Variants in DAB1 observed in about 807,000 individuals in gnomAD.
DAB1 encodes DAB adaptor protein 1, also known as disabled homolog 1.
DAB1 carries 15 observed loss-of-function variants against 64.6 expected under a neutral mutation model. The ratio of observed to expected loss-of-function variants is 0.23; its 90% CI spans 0.16 to 0.36. The LOEUF is 0.36. DAB1 is among the 10% of genes least tolerant of loss of function. The pLI, the probability that DAB1 is intolerant of heterozygous loss-of-function variation, is 1.00. For missense variants in DAB1, 596 were observed against 706.7 expected, an observed-to-expected ratio of 0.84 and a Z score of 1.78; for synonymous variants, 235 against 251.9, an observed-to-expected ratio of 0.93 and a Z score of 0.64.
chr1:57,936,692 A>ATT (rs201146724), intron 5 of DAB1, among the ~76,000 whole-genome samples: 1 of 150,648 alleles, frequency 6.6e-6, no homozygotes, highest in Admixed American at 6.6e-5. Flanking sequence ...ATTTTTATTT[A>ATT]TTTATTTTTT....
chr1:57,427,248 A>G (rs537704592), upstream of DAB1, among the ~76,000 whole-genome samples: 1 of 152,314 alleles, frequency 6.6e-6, no homozygotes, highest in South Asian at 2.1e-4. Context: ...AAAATAGTTC[A>G]TTTAAATTTG....
chr1:58,246,031 G>C (rs529291112), intron 4 of DAB1, among the ~76,000 whole-genome samples: 29 of 152,012 alleles, frequency 1.9e-4, no homozygotes, highest in Non-Finnish European at 3.7e-4. Flanking sequence ...AAACACAGAA[G>C]GTATTTAGGT....
chr1:57,796,557 A>C (rs60307854), intron 6 of DAB1, among the ~76,000 whole-genome samples: 2,850 of 149,424 alleles, frequency 0.019, 81 homozygotes, highest in African/African-American at 0.063. Context: ...TAATAATAAT[A>C]ATAATCATAA....
At position 57,497,544 on chromosome 1, in the gene DAB1, G is replaced by T. The variant is rs76999350; in HGVS notation, n.625+152048C>A. On this transcript the variant is annotated intron_variant and non_coding_transcript_variant, in intron 7 of 20. Transcript: ENST00000485760. ...CCAAATAATTACAGAATTATATGGT[G>T]CCAGAAGAGCTTATCATCAGCAGAA... 4.3e-3 allele frequency among the ~76,000 whole-genome samples: 653 copies of T among 152,304 alleles called. 3 individuals carry two copies. The highest frequency in any genetic ancestry group is 0.015 in the African/African-American group (635 of 41,560).
rs1183415509 is a variant in DAB1, at chr1:57,057,768, T to C, written c.723+5116A>G. Among the ~76,000 whole-genome samples the C allele has an allele frequency of 2.9e-4, 23 of 79,254 alleles. No individual in the cohort carries two copies. In the East Asian group the frequency reaches 3.9e-3, roughly 13 times the overall value. The allele number at this position is 79,254 out of a possible 152,430, so 52.0% of individuals were successfully genotyped here. ...GACTACAGGTGCCTGCCACCATGCC[T>C]GGCTAATTTTTTTGTATTTTTAGTA... On this transcript the variant is annotated intron_variant, in intron 9 of 14. Transcript: ENST00000371236.
At chr1:57,094,330 G>C (rs573742111) in intron 4 of DAB1, among the ~76,000 whole-genome samples, 2 of 152,240 alleles carry the variant, frequency 1.3e-5, no homozygotes, top group African/African-American at 4.8e-5. Flanking sequence ...AAGAAACATA[G>C]CCCAACCTCA....
intron 9 of DAB1, among the ~76,000 whole-genome samples, chr1:57,052,070 G>T (rs189760068): frequency 1.6e-4 from 21 of 131,366 alleles, no homozygotes; most frequent in African/African-American, 5.6e-4. Flanking sequence ...TGAGGTTTAT[G>T]ACATCTTTAA....
At chr1:57,871,891 C>T (rs574040196) in intron 1 of DAB1, among the ~76,000 whole-genome samples, 2 of 152,158 alleles carry the variant, frequency 1.3e-5, no homozygotes, top group South Asian at 2.1e-4. Flanking sequence ...TTTCTCTGTG[C>T]TCAAGATGTA....
chr1:57,332,299 G>C (rs956343993), intron 1 of DAB1, among the ~76,000 whole-genome samples: 1 of 152,058 alleles, frequency 6.6e-6, no homozygotes, highest in African/African-American at 2.4e-5. Flanking sequence ...TAAACATCTT[G>C]CTTGTTCAGG....
chr1:57,091,480 G>GATTACT (rs1434209884), intron 4 of DAB1, among the ~76,000 whole-genome samples: 2 of 152,102 alleles, frequency 1.3e-5, no homozygotes, highest in African/African-American at 4.8e-5. Context: ...AATGAAGAAG[G>GATTACT]TATTTAGCTC....
chr1:58,176,806 C>G (rs1457127560), intron 4 of DAB1, among the ~76,000 whole-genome samples: 1 of 151,990 alleles, frequency 6.6e-6, no homozygotes, highest in Non-Finnish European at 1.5e-5. Flanking sequence ...GGTGAAACAC[C>G]GTCTCTACTA....
intron 4 of DAB1, among the ~76,000 whole-genome samples, chr1:58,226,719 G>A (rs1659516904): frequency 6.6e-6 from 1 of 152,196 alleles, no homozygotes; most frequent in Non-Finnish European, 1.5e-5. Context: ...ATAATCCTTA[G>A]GAGGTAGGTT....
At chr1:57,055,640 C>G (rs546346902) in intron 9 of DAB1, among the ~76,000 whole-genome samples, 2 of 152,180 alleles carry the variant, frequency 1.3e-5, no homozygotes, top group African/African-American at 2.4e-5. Flanking sequence ...GACTCTGGAA[C>G]GCTCTGTAAC....
intron 1 of DAB1, among the ~76,000 whole-genome samples, chr1:57,846,224 C>T (rs1194208951): frequency 1.3e-5 from 2 of 152,014 alleles, no homozygotes; most frequent in African/African-American, 2.4e-5. Flanking sequence ...CTTTGGGAGG[C>T]CGAGGTGGGC....
intron 3 of DAB1, among the ~76,000 whole-genome samples, chr1:58,438,770 A>C (rs1047299191): frequency 6.6e-6 from 1 of 152,238 alleles, no homozygotes; most frequent in Non-Finnish European, 1.5e-5. Flanking sequence ...TCTACACCAG[A>C]GCTTCCTGCT....
chr1:57,856,825 G>T (rs938359868), intron 1 of DAB1, among the ~76,000 whole-genome samples: 1 of 152,018 alleles, frequency 6.6e-6, no homozygotes, highest in Admixed American at 6.6e-5. Flanking sequence ...TAACAGAAGG[G>T]TCTCAATGGG....
intron 5 of DAB1, among the ~76,000 whole-genome samples, chr1:58,097,581 G>A (rs1651062860): frequency 6.6e-6 from 1 of 152,054 alleles, no homozygotes; most frequent in Non-Finnish European, 1.5e-5. Flanking sequence ...ATGAGTAGGA[G>A]TTCATCAGGT....
At chr1:58,257,353 G>C (rs1358413047) in intron 4 of DAB1, among the ~76,000 whole-genome samples, 2 of 152,222 alleles carry the variant, frequency 1.3e-5, no homozygotes, top group Non-Finnish European at 1.5e-5. Context: ...AAGGTCCCCA[G>C]ATGAAGACAT....
At chr1:57,777,118 T>C (rs1649840953) in intron 6 of DAB1, among the ~76,000 whole-genome samples, 1 of 150,556 alleles carries the variant, frequency 6.6e-6, no homozygotes. Flanking sequence ...ACGTTAAAGA[T>C]TTTTCCGTTA....
Sources: gnomAD v4.1 joint callset for allele counts (sites outside exome capture counted in the v4.1 genomes callset) on GRCh38, gnomAD v4.1.1 for gene constraint, MANE v1.5 for transcripts, NCBI Gene and HGNC (gene_info 2026-07-23, HGNC 2026-07-21) for gene names.